Variants in FMN1 observed in about 807,000 individuals in gnomAD.
FMN1 encodes formin-1.
A neutral mutation model predicts 132.4 loss-of-function variants in FMN1; 110 were observed. The ratio of observed to expected loss-of-function variants is 0.83; its 90% CI spans 0.71 to 0.97. The LOEUF (loss-of-function observed/expected upper bound fraction) is 0.97, where lower values mean the gene tolerates loss of function less well. FMN1 is among the 50% of genes least tolerant of loss of function. The probability of loss-of-function intolerance (pLI) is 0.00; values close to 1 mark genes in which losing one functional copy is unlikely to be tolerated. For missense variants in FMN1, 1,792 were observed against 1,705.3 expected, an observed-to-expected ratio of 1.05 and a Z score of -0.90; for synonymous variants, 722 against 651.7, an observed-to-expected ratio of 1.11 and a Z score of -1.64.
chr15:33,071,777 G>C (rs2038008794), intron 5 of FMN1, among the ~76,000 whole-genome samples: 1 of 152,146 alleles, frequency 6.6e-6, no homozygotes, highest in Non-Finnish European at 1.5e-5. Context: ...GGTCACTCAG[G>C]GAATGAGAGT....
At chr15:33,045,003 G>A (rs950017694) in intron 6 of FMN1, among the ~76,000 whole-genome samples, 1 of 152,230 alleles carries the variant, frequency 6.6e-6, no homozygotes, top group South Asian at 2.1e-4. Context: ...GTGACAAGGA[G>A]GAGAGAAAAG....
intron 6 of FMN1, chr15:33,064,691 C>T (rs1329198541): frequency 3.9e-6 from 1 of 254,248 alleles, no homozygotes; most frequent in South Asian, 9.0e-5. Context: ...TGCAATCTAC[C>T]TTCTCCATCA....
intron 7 of FMN1, among the ~76,000 whole-genome samples, chr15:32,995,461 G>A (rs139927717): frequency 1.6e-3 from 239 of 152,236 alleles, no homozygotes; most frequent in African/African-American, 5.5e-3. Context: ...TATAAATTCT[G>A]TTTTCCCAAA....
At chr15:33,126,815 T>C (rs1963125213) in intron 4 of FMN1, among the ~76,000 whole-genome samples, 2 of 152,316 alleles carry the variant, frequency 1.3e-5, no homozygotes, top group African/African-American at 4.8e-5. Context: ...CTCTTTTCGA[T>C]CCGCCTTCCT....
At chr15:32,982,572 T>G (rs1227923970) in intron 7 of FMN1, among the ~76,000 whole-genome samples, 1 of 152,204 alleles carries the variant, frequency 6.6e-6, no homozygotes, top group Non-Finnish European at 1.5e-5. Context: ...TTATTCTGGA[T>G]GTGTCTGTGA....
intron 9 of FMN1, among the ~76,000 whole-genome samples, chr15:32,953,460 T>C (rs2061695909): frequency 6.6e-6 from 1 of 152,204 alleles, no homozygotes; most frequent in African/African-American, 2.4e-5. Flanking sequence ...CCTTTGCTTT[T>C]ATCACAGTTG....
intron 6 of FMN1, among the ~76,000 whole-genome samples, chr15:33,048,773 G>T (rs570767178): frequency 1.3e-5 from 2 of 152,112 alleles, no homozygotes; most frequent in Non-Finnish European, 2.9e-5. Flanking sequence ...GTTTGTGCAG[G>T]GAAACTTCCA....
intron 16 of FMN1, among the ~76,000 whole-genome samples, chr15:32,877,231 G>A (rs1057409328): frequency 6.6e-5 from 10 of 151,770 alleles, no homozygotes; most frequent in African/African-American, 9.7e-5. Flanking sequence ...AAGTTGCAGT[G>A]AGCCGAGATT....
intron 17 of FMN1, among the ~76,000 whole-genome samples, chr15:32,839,654 A>T (rs998283704): frequency 6.6e-6 from 1 of 152,082 alleles, no homozygotes; most frequent in Non-Finnish European, 1.5e-5. Context: ...TACTCTTGAC[A>T]GACTGTGGAA....
chr15:32,921,901 G>A (rs2060834898), intron 10 of FMN1, among the ~76,000 whole-genome samples: 1 of 151,964 alleles, frequency 6.6e-6, no homozygotes, highest in African/African-American at 2.4e-5. Flanking sequence ...TCGAACTCCT[G>A]GGCTCAAGCA....
In FMN1 at chr15:32,847,773, T is replaced by C. The variant is rs547044867; in HGVS notation, c.3928+9242A>G. Among the ~76,000 whole-genome samples the C allele has an allele frequency of 4.6e-5, 7 of 152,256 alleles. No individual in the cohort carries two copies. In the East Asian group the frequency reaches 1.4e-3, roughly 29 times the overall value. ...GGGAGGCTAAGGCAGAAGAATGGCA[T>C]GAACCTGGGAGGCGGAGCGTGCAGT... is the stretch of plus-strand genomic sequence containing the variant. On this transcript the variant is annotated intron_variant, in intron 17 of 20. Transcript: ENST00000616417.
At chr15:32,877,289 GAAAA>G (rs146024325) in intron 16 of FMN1, among the ~76,000 whole-genome samples, 1 of 136,234 alleles carries the variant, frequency 7.3e-6, no homozygotes, top group African/African-American at 2.7e-5. Flanking sequence ...TCTGTCTCAG[GAAAA>G]AAAAAAAAAA....
At chr15:33,009,688 C>CATT in intron 6 of FMN1, among the ~76,000 whole-genome samples, 2 of 152,216 alleles carry the variant, frequency 1.3e-5, no homozygotes, top group Middle Eastern at 3.4e-3. Flanking sequence ...ATGTAGGTAC[C>CATT]ATTATTGTCT....
At chr15:33,145,993 T>G (rs1964202685) in intron 4 of FMN1, among the ~76,000 whole-genome samples, 1 of 151,724 alleles carries the variant, frequency 6.6e-6, no homozygotes, top group African/African-American at 2.4e-5. Context: ...TTTTTTTTTT[T>G]GAAATGGAGT....
intron 6 of FMN1, among the ~76,000 whole-genome samples, chr15:33,015,096 A>C (rs1249216203): frequency 1.3e-5 from 2 of 152,220 alleles, no homozygotes; most frequent in Admixed American, 6.5e-5. Context: ...GTTAAGTGCC[A>C]ATAATATCAT....
At chr15:32,838,535 A>G (rs961463923) in intron 17 of FMN1, among the ~76,000 whole-genome samples, 1 of 152,234 alleles carries the variant, frequency 6.6e-6, no homozygotes, top group African/African-American at 2.4e-5. Context: ...ACCTGACTGC[A>G]GGCTCTGTCC....
At position 32,772,354 on chromosome 15, in the gene FMN1, C is replaced by T. The variant is rs74011954; in HGVS notation, c.*1956G>A. On this transcript the variant is annotated 3_prime_UTR_variant, in exon 21 of 21. Transcript: ENST00000616417. ...AGGATTGAGACTTCTGCTGGCCCCA[C>T]ATAACTCAAAAGAGCTGAATTATAT... The T allele has an allele frequency of 0.18, 27,772 of 152,126 alleles. 3,202 individuals carry two copies. Among genetic ancestry groups the T allele is most frequent in the East Asian group, 0.61 (3,160 of 5,152 alleles). 9.4% of individuals were successfully genotyped at this position (152,126 alleles called of 1,614,324 possible). A position where few individuals can be genotyped will look rare whatever the true frequency, so the allele number is the denominator to read the frequency against.
chr15:33,181,710 T>C (rs1159509740), intron 2 of FMN1, among the ~76,000 whole-genome samples: 1 of 146,438 alleles, frequency 6.8e-6, no homozygotes, highest in Non-Finnish European at 1.5e-5. Flanking sequence ...TTTCTTTCTT[T>C]TTTTTTTTTT....
At position 33,128,793 on chromosome 15, in the gene FMN1, G is replaced by C. The variant is rs191762220; in HGVS notation, c.1867+24255C>G. Among the ~76,000 whole-genome samples the C allele has an allele frequency of 5.8e-4, 89 of 152,342 alleles. 1 individual carries two copies. The highest frequency in any genetic ancestry group is 1.9e-3 in the African/African-American group (79 of 41,574). ...GTATGGACCCAAACGGTGAGCAGCA[G>C]CAAGATTTACTGTCACGAGCAAAAT... On this transcript the variant is annotated intron_variant, in intron 4 of 20. Coordinates refer to ENST00000616417, the MANE Select transcript of FMN1 (RefSeq NM_001277313.2).
Sources: allele counts gnomAD v4.1 joint callset (sites outside exome capture counted in the v4.1 genomes callset), GRCh38; gene constraint gnomAD v4.1.1; transcripts MANE v1.5; gene names NCBI Gene and HGNC (gene_info 2026-07-23, HGNC 2026-07-21).